The following NCALD variants were observed in gnomAD, a reference collection of about 807,000 sequenced individuals.
NCALD encodes neurocalcin delta, also known as neurocalcin-delta.
Under a neutral mutation model 18.6 loss-of-function variants are expected in NCALD, and 10 were observed. The observed-to-expected ratio is 0.54, with a 90% CI of 0.33 to 0.91. NCALD has a LOEUF of 0.91. Ranked by LOEUF, NCALD falls within the 40% of genes least tolerant of loss-of-function variation. The probability of loss-of-function intolerance (pLI) is 0.03; values close to 1 mark genes in which losing one functional copy is unlikely to be tolerated. For synonymous variants in NCALD, 88 were observed against 87.4 expected, an observed-to-expected ratio of 1.01 and a Z score of -0.04; for missense variants, 184 against 247.6, an observed-to-expected ratio of 0.74 and a Z score of 1.72.
chr8:101,804,752 C>G (rs1486155465), intron 4 of NCALD, among the ~76,000 whole-genome samples: 1 of 148,354 alleles, frequency 6.7e-6, no homozygotes, highest in Non-Finnish European at 1.5e-5. Flanking sequence ...AATGCCATTT[C>G]ACACTTAATA....
intron 1 of NCALD, among the ~76,000 whole-genome samples, chr8:102,066,981 C>T (rs1824029245): frequency 1.3e-5 from 2 of 152,176 alleles, no homozygotes; most frequent in Non-Finnish European, 2.9e-5. Context: ...TCTACTAATT[C>T]TAACAGAGAT....
At chr8:101,891,507 G>A (rs936213340) in intron 3 of NCALD, among the ~76,000 whole-genome samples, 1 of 152,228 alleles carries the variant, frequency 6.6e-6, no homozygotes, top group Non-Finnish European at 1.5e-5. Context: ...TGCAGGGGAG[G>A]AGCCAAGATG....
rs139046551 is a variant in NCALD at position 101,877,886 on chromosome 8, A to C, written c.-20+9255T>G. 1.3e-3 allele frequency among the ~76,000 whole-genome samples: 199 copies of C among 152,354 alleles called. 2 individuals are homozygous for C. Among genetic ancestry groups the C allele is most frequent in the Middle Eastern group, 6.8e-3 (2 of 294 alleles). On this transcript the variant is annotated intron_variant, in intron 4 of 6. Coordinates refer to the NCALD transcript ENST00000311028. ...TACTGCAGTTAGCAAAGGAGTAAAA[A>C]AGCTGACTCCAGAATGTACCCTTAG...
At chr8:101,996,662 G>A (rs1821250497) in intron 2 of NCALD, among the ~76,000 whole-genome samples, 1 of 152,184 alleles carries the variant, frequency 6.6e-6, no homozygotes, top group African/African-American at 2.4e-5. Flanking sequence ...GCAGAAAGAA[G>A]GTCCTTGCCT....
intron 1 of NCALD, among the ~76,000 whole-genome samples, chr8:102,095,446 A>C (rs549313619): frequency 6.6e-6 from 1 of 152,194 alleles, no homozygotes; most frequent in African/African-American, 2.4e-5. Context: ...AGGTAAACCA[A>C]CTTGGACCTG....
intron 2 of NCALD, among the ~76,000 whole-genome samples, chr8:101,934,572 G>C (rs1387992797): frequency 6.6e-6 from 1 of 152,046 alleles, no homozygotes; most frequent in Admixed American, 6.6e-5. Flanking sequence ...TCTAAGAGTC[G>C]GGAGCTTCAG....
chr8:101,866,427 C>G (rs1442864945), intron 4 of NCALD, among the ~76,000 whole-genome samples: 1 of 152,182 alleles, frequency 6.6e-6, no homozygotes, highest in African/African-American at 2.4e-5. Flanking sequence ...AAATTTATAT[C>G]TCCAGTCTGG....
intron 1 of NCALD, among the ~76,000 whole-genome samples, chr8:101,737,454 T>C (rs80317000): frequency 0.017 from 2,654 of 152,226 alleles, 85 homozygotes; most frequent in African/African-American, 0.061. Context: ...TCTTCCACGG[T>C]TCCCTACTGA....
intron 1 of NCALD, among the ~76,000 whole-genome samples, chr8:102,104,931 A>G (rs1825398554): frequency 6.6e-6 from 1 of 152,218 alleles, no homozygotes; most frequent in African/African-American, 2.4e-5. Flanking sequence ...ACTTTGCAGT[A>G]ACTATGGGGA....
At position 101,691,946 on chromosome 8, in the gene NCALD, G is replaced by A. The variant is rs116932622; in HGVS notation, c.484+845C>T. On this transcript the variant is annotated intron_variant, in intron 3 of 3. Coordinates refer to ENST00000220931, the MANE Select transcript of NCALD (RefSeq NM_032041.3). Reference sequence around the variant, plus strand: ...GCTACAGAGCCGGGCCCTGAGCTGAGCTCTTTAAACTCAAGTATAACATTT... The same window carrying A: ...GCTACAGAGCCGGGCCCTGAGCTGAACTCTTTAAACTCAAGTATAACATTT... The A allele has an allele frequency of 4.5e-3, 4,449 of 985,420 alleles. 11 individuals are homozygous for A. The highest frequency in any genetic ancestry group is 5.2e-3 in the Non-Finnish European group (4,303 of 829,926). 61.0% of individuals were successfully genotyped at this position (985,420 alleles called of 1,614,324 possible).
At chr8:101,916,324 T>C (rs1294857624) in intron 2 of NCALD, among the ~76,000 whole-genome samples, 1 of 152,138 alleles carries the variant, frequency 6.6e-6, no homozygotes, top group African/African-American at 2.4e-5. Flanking sequence ...AAGCAAGTGC[T>C]AAGGGAATTC....
chr8:101,840,874 C>T (rs930920682), intron 4 of NCALD, among the ~76,000 whole-genome samples: 16 of 152,144 alleles, frequency 1.1e-4, no homozygotes, highest in African/African-American at 3.9e-4. Flanking sequence ...GATTCGAATA[C>T]TTGAAGAGCT....
At chr8:101,897,759 C>G (rs1245168479) in intron 3 of NCALD, among the ~76,000 whole-genome samples, 5 of 152,130 alleles carry the variant, frequency 3.3e-5, no homozygotes, top group Admixed American at 2.0e-4. Flanking sequence ...TCCAGAGTGA[C>G]TCTAGCATTT....
chr8:101,835,587 G>A (rs1302134556), intron 4 of NCALD, among the ~76,000 whole-genome samples: 2 of 152,240 alleles, frequency 1.3e-5, no homozygotes, highest in Non-Finnish European at 2.9e-5. Context: ...AACAGGGAGA[G>A]AGCCCTGAGG....
intron 4 of NCALD, among the ~76,000 whole-genome samples, chr8:101,805,026 G>T (rs1417422181): frequency 6.6e-6 from 1 of 152,064 alleles, no homozygotes; most frequent in African/African-American, 2.4e-5. Flanking sequence ...CTTTTGAAGT[G>T]GCACTTTGAA....
At chr8:102,009,728 A>C (rs1223233546) in intron 2 of NCALD, among the ~76,000 whole-genome samples, 1 of 152,240 alleles carries the variant, frequency 6.6e-6, no homozygotes, top group Non-Finnish European at 1.5e-5. Flanking sequence ...CTATTGGAGC[A>C]GTTTACCGTC....
At chr8:101,749,344 T>G (rs913846125) in intron 1 of NCALD, among the ~76,000 whole-genome samples, 3 of 152,210 alleles carry the variant, frequency 2.0e-5, no homozygotes, top group Non-Finnish European at 4.4e-5. Flanking sequence ...ATCCTGGAAG[T>G]GACCTCTCAC....
intron 2 of NCALD, among the ~76,000 whole-genome samples, chr8:101,919,828 T>C (rs1818100310): frequency 6.6e-6 from 1 of 152,006 alleles, no homozygotes; most frequent in Admixed American, 6.5e-5. Context: ...AAAACCACAA[T>C]GGGATACCAT....
At chr8:101,885,992 C>T (rs1398404788) in intron 4 of NCALD, among the ~76,000 whole-genome samples, 1 of 152,160 alleles carries the variant, frequency 6.6e-6, no homozygotes, top group African/African-American at 2.4e-5. Flanking sequence ...TCCCAGACTG[C>T]CTGATCATTA....
Sources: allele counts gnomAD v4.1 joint callset (sites outside exome capture counted in the v4.1 genomes callset), GRCh38; gene constraint gnomAD v4.1.1; transcripts MANE v1.5; gene names NCBI Gene and HGNC (gene_info 2026-07-23, HGNC 2026-07-21).